The following MRPL48 variants were observed in gnomAD, a reference collection of about 807,000 sequenced individuals.
The protein encoded by MRPL48 is mitochondrial ribosomal protein L48.
In MRPL48, 16 loss-of-function variants were observed where a neutral mutation model predicts 32.9. The ratio of observed to expected loss-of-function variants is 0.49; its 90% CI spans 0.33 to 0.74. MRPL48 has a LOEUF of 0.74. Ranked by LOEUF, MRPL48 falls within the 30% of genes least tolerant of loss-of-function variation. The pLI is 0.02. For synonymous variants in MRPL48, 94 were observed against 89.2 expected (o/e 1.05, Z -0.31); for missense variants, 206 against 245.3 (o/e 0.84, Z 1.07).
At position 73,833,493 on chromosome 11, in the gene MRPL48, C is replaced by T. The variant is rs1590976367; in HGVS notation, c.201+7697C>T. Among the ~76,000 whole-genome samples the T allele has an allele frequency of 4.6e-5, 7 of 152,144 alleles. No individual in the cohort carries two copies. The South Asian group carries it at 1.5e-3, about 32-fold the overall frequency. ...CTCAGATCCTTGCAAGCCATATTCC[C>T]TTGGAACATTGGTGGTACTAGAGCC... is the stretch of plus-strand genomic sequence containing the variant. On this transcript the variant is annotated intron_variant, in intron 4 of 7. Coordinates refer to ENST00000310614, the MANE Select transcript of MRPL48 (RefSeq NM_016055.6).
At chr11:73,845,138 A>T in intron 5 of MRPL48, 162 bp downstream of exon 5, 1 of 707,962 alleles carries the variant, frequency 1.4e-6, no homozygotes, top group Non-Finnish European at 2.1e-6. Context: ...TATTAACCTG[A>T]AAAGTTCTTT....
At chr11:73,806,000 C>T (rs1238861180) in intron 2 of MRPL48, among the ~76,000 whole-genome samples, 2 of 152,106 alleles carry the variant, frequency 1.3e-5, no homozygotes, top group East Asian at 3.8e-4. Flanking sequence ...TGCTAAACCA[C>T]TAGGGGCCAG....
At chr11:73,813,964 C>G (rs2134983094) in intron 3 of MRPL48, among the ~76,000 whole-genome samples, 1 of 151,062 alleles carries the variant, frequency 6.6e-6, no homozygotes, top group African/African-American at 2.4e-5. Flanking sequence ...TGGCGTGAAC[C>G]CGGGAGGCAG....
chr11:73,811,951 T>C (rs1483539616), intron 3 of MRPL48, among the ~76,000 whole-genome samples: 1 of 152,132 alleles, frequency 6.6e-6, no homozygotes, highest in African/African-American at 2.4e-5. Flanking sequence ...AATGGCGAGA[T>C]CTTGGCTCAC....
chr11:73,838,937 C>T (rs1948146618), intron 4 of MRPL48, among the ~76,000 whole-genome samples: 2 of 152,202 alleles, frequency 1.3e-5, no homozygotes, highest in South Asian at 4.1e-4. Flanking sequence ...AGGACAAAAG[C>T]ATCTCTAAAT....
chr11:73,855,844 A>G (rs886804841), intron 5 of MRPL48, among the ~76,000 whole-genome samples: 5 of 152,176 alleles, frequency 3.3e-5, no homozygotes, highest in Non-Finnish European at 5.9e-5. Flanking sequence ...TTACTTCTTC[A>G]GGAAACCTCA....
chr11:73,812,069 G>C (rs547971815), intron 3 of MRPL48, among the ~76,000 whole-genome samples: 1 of 152,036 alleles, frequency 6.6e-6, no homozygotes, highest in Non-Finnish European at 1.5e-5. Flanking sequence ...GTATTTTTTA[G>C]TAGAGATGGG....
intron 1 of MRPL48, among the ~76,000 whole-genome samples, chr11:73,799,000 A>AAGAAG (rs1565401693): frequency 6.6e-6 from 1 of 151,560 alleles, no homozygotes; most frequent in Non-Finnish European, 1.5e-5. Context: ...CAAGCAAAAA[A>AAGAAG]AAAAAAAAGA....
At chr11:73,852,154 T>C (rs978863448) in intron 5 of MRPL48, among the ~76,000 whole-genome samples, 2 of 152,122 alleles carry the variant, frequency 1.3e-5, no homozygotes, top group African/African-American at 4.8e-5. Flanking sequence ...AGTCTTGATA[T>C]TAAGAAAAAC....
chr11:73,815,276 C>T lies in MRPL48; in HGVS notation c.112+6926C>T, dbSNP rs140290916. Among the ~76,000 whole-genome samples, 910 of 151,892 alleles carry T rather than the reference C, an allele frequency of 6.0e-3. 12 individuals carry two copies. The highest frequency in any genetic ancestry group is 0.021 in the African/African-American group (869 of 41,426). ...ACTAAAAATAGAAAAATTAGCCGGG[C>T]GTGGTGGTGCTCCTGTAATTCCAGT... On this transcript the variant is annotated intron_variant, in intron 3 of 7. Coordinates refer to ENST00000310614, the MANE Select transcript of MRPL48 (RefSeq NM_016055.6).
intron 3 of MRPL48, among the ~76,000 whole-genome samples, chr11:73,814,891 C>T (rs1352345723): frequency 6.6e-5 from 10 of 151,642 alleles, no homozygotes; most frequent in Admixed American, 6.6e-4. Flanking sequence ...GCTACTCCGG[C>T]AGCTGAAGGA....
chr11:73,841,944 G>A (rs1948193015), intron 4 of MRPL48, among the ~76,000 whole-genome samples: 1 of 151,840 alleles, frequency 6.6e-6, no homozygotes, highest in African/African-American at 2.4e-5. Context: ...TTTTTGGGGG[G>A]GGGTTTGTTT....
At chr11:73,813,796 C>T (rs1947610119) in intron 3 of MRPL48, among the ~76,000 whole-genome samples, 1 of 151,978 alleles carries the variant, frequency 6.6e-6, no homozygotes, top group African/African-American at 2.4e-5. Context: ...AATCCCAGCA[C>T]TTTGGGAGGC....
chr11:73,789,402 A>G (rs1947106850), intron 1 of MRPL48: 1 of 152,230 alleles, frequency 6.6e-6, no homozygotes, highest in Non-Finnish European at 1.5e-5. Flanking sequence ...TGACATGGGT[A>G]TATAAGGCCT....
chr11:73,792,342 G>C (rs1947166985), intron 1 of MRPL48, among the ~76,000 whole-genome samples: 1 of 152,150 alleles, frequency 6.6e-6, no homozygotes, highest in Non-Finnish European at 1.5e-5. Flanking sequence ...CACTCACTCT[G>C]AGATAACCAC....
chr11:73,833,614 A>G (rs1948034739), intron 4 of MRPL48, among the ~76,000 whole-genome samples: 1 of 152,166 alleles, frequency 6.6e-6, no homozygotes, highest in Non-Finnish European at 1.5e-5. Flanking sequence ...CATTCCTCCT[A>G]TCAGCTTTAC....
intron 5 of MRPL48, among the ~76,000 whole-genome samples, chr11:73,846,399 AC>A: frequency 6.6e-6 from 1 of 151,600 alleles, no homozygotes; most frequent in East Asian, 2.0e-4. Flanking sequence ...GCTCCCTGCA[AC>A]CTCCACCTCA....
chr11:73,792,735 G>A (rs1208180547), intron 1 of MRPL48, among the ~76,000 whole-genome samples: 3 of 152,088 alleles, frequency 2.0e-5, no homozygotes, highest in African/African-American at 7.2e-5. Flanking sequence ...TTTGTTAATG[G>A]TTTTATCTTC....
chr11:73,812,434 G>A (rs1223110595), intron 3 of MRPL48, among the ~76,000 whole-genome samples: 1 of 152,010 alleles, frequency 6.6e-6, no homozygotes, highest in East Asian at 1.9e-4. Flanking sequence ...AAATTGCTGA[G>A]TCAATGCATT....
Sources: gnomAD v4.1 joint callset for allele counts (sites outside exome capture counted in the v4.1 genomes callset) on GRCh38, gnomAD v4.1.1 for gene constraint, MANE v1.5 for transcripts, NCBI Gene and HGNC (gene_info 2026-07-23, HGNC 2026-07-21) for gene names.